BLTP3A: variants seen among roughly 807,000 people sequenced by gnomAD.
The protein encoded by BLTP3A is ICBP90 binding protein 1.
chr6:34,801,463 T>C, the BLTP3A span, among the ~76,000 whole-genome samples: 1 of 152,112 alleles, frequency 6.6e-6, no homozygotes, highest in Non-Finnish European at 1.5e-5. Flanking sequence ...CTTTAGATCA[T>C]TGTATCTCAC....
the BLTP3A span, chr6:34,836,385 A>T: frequency 6.3e-7 from 1 of 1,589,732 alleles, no homozygotes; most frequent in Non-Finnish European, 8.6e-7. Flanking sequence ...TGGGTGGTCC[A>T]CGTCACTGTC....
At chr6:34,821,429 T>A in the BLTP3A span, 1 of 392,394 alleles carries the variant, frequency 2.5e-6, no homozygotes, top group East Asian at 4.0e-5. Flanking sequence ...TGGTGTGGTC[T>A]GAGTGCATTT....
At chr6:34,829,198 T>C in the BLTP3A span, among the ~76,000 whole-genome samples, 1 of 152,138 alleles carries the variant, frequency 6.6e-6, no homozygotes, top group Non-Finnish European at 1.5e-5. Flanking sequence ...ATGACCACAA[T>C]CAATTTTAGA....
At chr6:34,838,659 A>G in the BLTP3A span, among the ~76,000 whole-genome samples, 381 of 152,328 alleles carry the variant, frequency 2.5e-3, 2 homozygotes, top group African/African-American at 8.7e-3. Flanking sequence ...GTAAACTTCA[A>G]GGAGGCTGGG....
the BLTP3A span, among the ~76,000 whole-genome samples, chr6:34,869,570 C>T: frequency 6.9e-6 from 1 of 145,662 alleles, no homozygotes; most frequent in African/African-American, 2.6e-5. Context: ...TTAAATTCAT[C>T]TAGGTTGTTG....
chr6:34,857,942 C>T, the BLTP3A span: 2 of 1,603,872 alleles, frequency 1.2e-6, no homozygotes, highest in South Asian at 1.1e-5. Context: ...TGACTTTTAT[C>T]CCCTGTTAGT....
chr6:34,834,874 T>C, the BLTP3A span: 67 of 1,605,882 alleles, frequency 4.2e-5, no homozygotes, highest in Admixed American at 1.2e-4. Context: ...AAGTGTGTTC[T>C]CTGGCCTCAT....
the BLTP3A span, among the ~76,000 whole-genome samples, chr6:34,817,866 TTTGG>T: frequency 4.4e-4 from 64 of 144,336 alleles, no homozygotes; most frequent in African/African-American, 9.4e-4. Context: ...TTTTTTTTTT[TTTGG>T]GGGGGTGGAG....
At chr6:34,836,266 T>C in the BLTP3A span, 39 of 1,614,160 alleles carry the variant, frequency 2.4e-5, no homozygotes, top group East Asian at 6.0e-4. Flanking sequence ...TTGAGAAATT[T>C]GATGTGAAAG....
At chr6:34,857,943 C>A in the BLTP3A span, 1 of 1,602,906 alleles carries the variant, frequency 6.2e-7, no homozygotes, top group Non-Finnish European at 8.5e-7. Context: ...GACTTTTATC[C>A]CCTGTTAGTA....
At chr6:34,821,769 C>T in the BLTP3A span, 4 of 1,614,154 alleles carry the variant, frequency 2.5e-6, no homozygotes, top group Non-Finnish European at 2.5e-6. Context: ...GAGCTGCCCA[C>T]CTGGTTAGCC....
At chr6:34,855,906 G>A in the BLTP3A span, 1 of 985,356 alleles carries the variant, frequency 1.0e-6, no homozygotes, top group Non-Finnish European at 1.2e-6. Flanking sequence ...AGTAATGAGA[G>A]GAAGTGAGTA....
At chr6:34,824,462 G>A in the BLTP3A span, among the ~76,000 whole-genome samples, 18 of 150,142 alleles carry the variant, frequency 1.2e-4, no homozygotes, top group Non-Finnish European at 2.5e-4. Context: ...GGAGGCTGAG[G>A]CAAGAGAATC....
chr6:34,839,393 G>C, the BLTP3A span, among the ~76,000 whole-genome samples: 4 of 152,170 alleles, frequency 2.6e-5, no homozygotes, highest in Non-Finnish European at 5.9e-5. Flanking sequence ...AATATAGAAA[G>C]GGCTTTAAGA....
At chr6:34,864,293 AGAT>A in the BLTP3A span, 7 of 1,216,428 alleles carry the variant, frequency 5.8e-6, no homozygotes, top group Middle Eastern at 2.7e-4. Flanking sequence ...AGGAGCTGAG[AGAT>A]GATAATATAG....
chr6:34,823,469 G>A, the BLTP3A span: 6 of 735,540 alleles, frequency 8.2e-6, no homozygotes, highest in East Asian at 2.6e-5. Flanking sequence ...AAAGAAAATG[G>A]TATAAGAACC....
chr6:34,864,063 C>T, the BLTP3A span: 1 of 1,613,802 alleles, frequency 6.2e-7, no homozygotes, highest in Non-Finnish European at 8.5e-7. Flanking sequence ...TGCTGCACGA[C>T]TCCGATTTTT....
At chr6:34,819,345 C>T in the BLTP3A span, among the ~76,000 whole-genome samples, 1 of 145,166 alleles carries the variant, frequency 6.9e-6, no homozygotes, top group African/African-American at 2.6e-5. Flanking sequence ...TGATATTCCC[C>T]TTCCTGTTTT....
chr6:34,838,054 C>T, the BLTP3A span, among the ~76,000 whole-genome samples: 32 of 152,246 alleles, frequency 2.1e-4, no homozygotes, highest in Middle Eastern at 3.4e-3. Flanking sequence ...GTAGCTTCAC[C>T]GTTCATTTAT....
Sources: gnomAD v4.1 joint callset for allele counts (sites outside exome capture counted in the v4.1 genomes callset) on GRCh38, gnomAD v4.1.1 for gene constraint, MANE v1.5 for transcripts, NCBI Gene and HGNC (gene_info 2026-07-23, HGNC 2026-07-21) for gene names.